KDM2B: variants seen among roughly 807,000 people sequenced by gnomAD.
KDM2B encodes lysine demethylase 2B.
Under a neutral mutation model 150.0 loss-of-function variants are expected in KDM2B, and 26 were observed. The ratio of observed to expected loss-of-function variants is 0.17; its 90% CI spans 0.13 to 0.24. The LOEUF is 0.24. KDM2B is among the 10% of genes least tolerant of loss of function. The probability of loss-of-function intolerance (pLI) is 1.00; values close to 1 mark genes in which losing one functional copy is unlikely to be tolerated. For missense variants in KDM2B, 1,265 were observed against 1,816.9 expected, an observed-to-expected ratio of 0.70 and a Z score of 5.52; for synonymous variants, 734 against 729.5, an observed-to-expected ratio of 1.01 and a Z score of -0.10.
chr12:121,523,244 G>A (rs977656466), intron 8 of KDM2B, among the ~76,000 whole-genome samples: 3 of 152,216 alleles, frequency 2.0e-5, no homozygotes, highest in Admixed American at 6.5e-5. Flanking sequence ...TGCAAGTCCC[G>A]GGGGAAAGGC....
At chr12:121,435,125 G>A (rs1292416275) in intron 22 of KDM2B, among the ~76,000 whole-genome samples, 10 of 151,374 alleles carry the variant, frequency 6.6e-5, no homozygotes, top group Middle Eastern at 3.5e-3. Flanking sequence ...CTTGAGCCCA[G>A]GGGTTTGAGA....
intron 4 of KDM2B, among the ~76,000 whole-genome samples, chr12:121,574,055 G>A (rs182984326): frequency 1.8e-4 from 27 of 152,246 alleles, no homozygotes; most frequent in South Asian, 2.1e-4. Flanking sequence ...ACTACTGGCC[G>A]AGCGTCCAGA....
intron 12 of KDM2B, among the ~76,000 whole-genome samples, chr12:121,489,211 C>A (rs1172272042): frequency 6.6e-6 from 1 of 152,138 alleles, no homozygotes; most frequent in African/African-American, 2.4e-5. Flanking sequence ...TCCCAAAGGG[C>A]TGGGATTACA....
intron 9 of KDM2B, among the ~76,000 whole-genome samples, chr12:121,514,209 G>A (rs1338346887): frequency 6.6e-6 from 1 of 152,112 alleles, no homozygotes; most frequent in Non-Finnish European, 1.5e-5. Flanking sequence ...GACCTCCTGG[G>A]CTCAAGCGAC....
chr12:121,550,222 A>G (rs1264320498), intron 4 of KDM2B, among the ~76,000 whole-genome samples: 1 of 152,010 alleles, frequency 6.6e-6, no homozygotes, highest in African/African-American at 2.4e-5. Context: ...AGGCAAGAGG[A>G]TAGCTTGAAC....
At chr12:121,551,707 C>T (rs1338264374) in intron 4 of KDM2B, among the ~76,000 whole-genome samples, 3 of 152,108 alleles carry the variant, frequency 2.0e-5, no homozygotes, top group South Asian at 2.1e-4. Context: ...CGTGCACCAC[C>T]GCACCCGGCT....
At chr12:121,524,574 C>T (rs577731497) in intron 8 of KDM2B, 6 of 216,172 alleles carry the variant, frequency 2.8e-5, no homozygotes, top group Admixed American at 1.7e-4. Flanking sequence ...GCCGCCACTG[C>T]GTCCCTCCCC....
At position 121,509,653 on chromosome 12, in the gene KDM2B, C is replaced by T; in HGVS notation, c.1561G>A (p.Val521Met). 6.2e-7 allele frequency: 1 copy of T among 1,614,048 alleles called. No homozygotes were observed. Among genetic ancestry groups the T allele is most frequent in the Non-Finnish European group, 8.5e-7 (1 of 1,180,032 alleles). ...EFELKGLKALVEKLESLPENK... is the reference protein window; with the variant it reads ...EFELKGLKALMEKLESLPENK... ...TCCGGGAGGGATTCCAGTTTCTCCA[C>T]CAGAGCTTTCAGGCCCTTCAGTTCA... is the stretch of plus-strand genomic sequence containing the variant. Residue 521 changes from valine to methionine, a missense_variant, in exon 11 of 23, where the codon GTG becomes ATG. By Grantham distance (21) the Val-to-Met change is conservative. Around this residue, in one of 11 missense-constraint regions of KDM2B, gnomAD observed 20 missense variants for 49.5 expected, o/e 0.40. Coordinates refer to ENST00000377071, the MANE Select transcript of KDM2B (RefSeq NM_032590.5).
At chr12:121,491,372 C>T (rs917108737) in intron 12 of KDM2B, among the ~76,000 whole-genome samples, 1 of 152,008 alleles carries the variant, frequency 6.6e-6, no homozygotes, top group Non-Finnish European at 1.5e-5. Flanking sequence ...CTGGGGAGTG[C>T]CCAGGAGTTT....
intron 2 of KDM2B, among the ~76,000 whole-genome samples, chr12:121,576,295 G>A (rs562656268): frequency 6.6e-6 from 1 of 152,322 alleles, no homozygotes; most frequent in South Asian, 2.1e-4. Flanking sequence ...GGATCTGAAG[G>A]CCCAGAGAGG....
intron 6 of KDM2B, among the ~76,000 whole-genome samples, chr12:121,544,466 C>T (rs1022125499): frequency 9.3e-5 from 14 of 150,848 alleles, no homozygotes; most frequent in Non-Finnish European, 1.5e-4. Context: ...AAACATTAGC[C>T]GGGTGTGTTG....
In KDM2B at chr12:121,429,923, G is replaced by A. The variant is rs1298706192; in HGVS notation, c.*365C>T. ...ACTTTATGTCAACACCCAAAACCTC[G>A]GTGTTGCAAGGAATGAAGTGTCCAA... On this transcript the variant is annotated 3_prime_UTR_variant, in exon 23 of 23. Coordinates refer to ENST00000377071, the MANE Select transcript of KDM2B (RefSeq NM_032590.5). 1.9e-5 allele frequency: 12 copies of A among 619,310 alleles called. No individual in the cohort carries two copies. The highest frequency in any genetic ancestry group is 5.8e-5 in the Admixed American group (2 of 34,392). The allele number at this position is 619,310 out of a possible 1,614,324, so 38.4% of individuals were successfully genotyped here.
chr12:121,509,513 G>GTTCA, intron 11 of KDM2B, 54 bp downstream of exon 11: 1 of 1,586,626 alleles, frequency 6.3e-7, no homozygotes, highest in Admixed American at 1.7e-5. Flanking sequence ...CACACTGAAC[G>GTTCA]GGACCTGCCC....
chr12:121,516,868 A>G (rs1555305099), intron 9 of KDM2B: 6 of 258,598 alleles, frequency 2.3e-5, no homozygotes, highest in African/African-American at 1.4e-4. Flanking sequence ...TTTCTCCTGG[A>G]AAAAAAAAAA....
At chr12:121,567,824 G>A (rs892642328) in intron 4 of KDM2B, among the ~76,000 whole-genome samples, 27 of 151,426 alleles carry the variant, frequency 1.8e-4, no homozygotes, top group African/African-American at 6.3e-4. Flanking sequence ...CATTCTCCGG[G>A]TTCAAGCAAT....
At chr12:121,580,487 G>A (rs1244568254) in intron 1 of KDM2B, 1 of 1,167,206 alleles carries the variant, frequency 8.6e-7, no homozygotes, top group Non-Finnish European at 1.1e-6. Context: ...GCACGCAGGC[G>A]CCGCCGCCGC....
At chr12:121,559,287 C>T (rs935612460) in intron 4 of KDM2B, among the ~76,000 whole-genome samples, 10 of 140,226 alleles carry the variant, frequency 7.1e-5, no homozygotes, top group East Asian at 2.5e-4. Context: ...CTTAGTGTGC[C>T]GGGAGCTCTG....
Position 121,509,864 on chromosome 12 carries a change from G to C in KDM2B, c.1350C>G (p.Pro450=). ...TDGSTSPTST[P]SEDQEALGKK... ...TCCCGAGGGCCTCCTGGTCCTCAGAGGGCGTGCTGGTGGGTGAAGTGGAGC... is the reference window on the plus strand; with the variant it reads ...TCCCGAGGGCCTCCTGGTCCTCAGACGGCGTGCTGGTGGGTGAAGTGGAGC... The change falls in exon 11 of 23, where the codon CCC becomes CCG. Residue 450 remains proline, a synonymous_variant. Transcript: ENST00000377071. 1 of 1,613,936 alleles carries C rather than the reference G, an allele frequency of 6.2e-7. No individual in the cohort carries two copies. Among genetic ancestry groups the C allele is most frequent in the Non-Finnish European group, 8.5e-7 (1 of 1,180,004 alleles).
intron 10 of KDM2B, among the ~76,000 whole-genome samples, chr12:121,511,704 C>G (rs1885608953): frequency 1.3e-5 from 2 of 152,356 alleles, no homozygotes; most frequent in South Asian, 4.1e-4. Flanking sequence ...CTAAAAACCA[C>G]TGGATTCTAC....
Sources: gnomAD v4.1 joint callset for allele counts (sites outside exome capture counted in the v4.1 genomes callset) on GRCh38, gnomAD v4.1.1 for gene constraint, gnomAD v4.1.1 regional missense constraint, MANE v1.5 for transcripts, NCBI Gene and HGNC (gene_info 2026-07-23, HGNC 2026-07-21) for gene names.